Variants in EXOC6B observed in about 807,000 individuals in gnomAD.
EXOC6B encodes SEC15 homolog B.
EXOC6B carries 54 observed loss-of-function variants against 113.5 expected under a neutral mutation model. The observed-to-expected ratio is 0.48, with a 90% confidence interval of 0.38 to 0.60. The LOEUF (loss-of-function observed/expected upper bound fraction) is 0.60, where lower values mean the gene tolerates loss of function less well. Ranked by LOEUF, EXOC6B falls within the 20% of genes least tolerant of loss-of-function variation. EXOC6B has a pLI of 0.00. For missense variants in EXOC6B, 797 were observed against 977.5 expected (o/e 0.82, Z 2.46); for synonymous variants, 357 against 339.0 (o/e 1.05, Z -0.58).
chr2:72,337,215 A>G (rs1200955697), intron 19 of EXOC6B, among the ~76,000 whole-genome samples: 5 of 152,132 alleles, frequency 3.3e-5, no homozygotes, highest in Admixed American at 1.3e-4. Flanking sequence ...AGCCACAGCT[A>G]TTCTTTTTGA....
intron 1 of EXOC6B, among the ~76,000 whole-genome samples, chr2:72,780,639 A>C (rs1683975611): frequency 1.3e-5 from 2 of 152,208 alleles, no homozygotes; most frequent in African/African-American, 4.8e-5. Context: ...CAGGACATGG[A>C]GTAGAACCTA....
intron 1 of EXOC6B, among the ~76,000 whole-genome samples, chr2:72,804,877 G>A (rs1261949942): frequency 7.9e-5 from 12 of 152,000 alleles, no homozygotes; most frequent in Admixed American, 5.2e-4. Flanking sequence ...GATTACAGAC[G>A]TGAGCCACCA....
intron 18 of EXOC6B, among the ~76,000 whole-genome samples, chr2:72,446,990 G>C (rs1046827880): frequency 6.6e-6 from 1 of 151,858 alleles, no homozygotes; most frequent in African/African-American, 2.4e-5. Context: ...TGTAATCCCA[G>C]CTACTCAGGA....
intron 1 of EXOC6B, among the ~76,000 whole-genome samples, chr2:72,789,265 A>G (rs1684542000): frequency 6.6e-6 from 1 of 152,212 alleles, no homozygotes; most frequent in South Asian, 2.1e-4. Flanking sequence ...CCAGATTGCC[A>G]ATCATTATGA....
At chr2:72,540,885 TA>T (rs1702562023) in intron 8 of EXOC6B, among the ~76,000 whole-genome samples, 1 of 152,252 alleles carries the variant, frequency 6.6e-6, no homozygotes, top group African/African-American at 2.4e-5. Context: ...AAAAAGTTTG[TA>T]AATCCTAGGT....
chr2:72,572,391 G>A (rs953083684), intron 7 of EXOC6B, among the ~76,000 whole-genome samples: 4 of 152,118 alleles, frequency 2.6e-5, no homozygotes, highest in East Asian at 1.9e-4. Flanking sequence ...AACATTGTTG[G>A]ACAAAACAGT....
At chr2:72,646,043 TAGCA>T (rs1673682281) in intron 6 of EXOC6B, among the ~76,000 whole-genome samples, 1 of 151,900 alleles carries the variant, frequency 6.6e-6, no homozygotes, top group African/African-American at 2.4e-5. Context: ...GATAGACCAT[TAGCA>T]AGACAAATAA....
intron 1 of EXOC6B, among the ~76,000 whole-genome samples, chr2:72,822,290 TCA>T (rs927891121): frequency 2.0e-5 from 3 of 152,106 alleles, no homozygotes; most frequent in Non-Finnish European, 2.9e-5. Flanking sequence ...AAATTAGGAC[TCA>T]CAGATAACAA....
At chr2:72,294,870 T>C (rs549411998) in intron 20 of EXOC6B, among the ~76,000 whole-genome samples, 15 of 152,210 alleles carry the variant, frequency 9.9e-5, no homozygotes, top group Non-Finnish European at 2.1e-4. Flanking sequence ...TTGTTCCTTA[T>C]TTTTAAGTAT....
chr2:72,706,951 C>T (rs1222959781), intron 6 of EXOC6B, among the ~76,000 whole-genome samples: 12 of 152,146 alleles, frequency 7.9e-5, no homozygotes, highest in Non-Finnish European at 1.5e-5. Flanking sequence ...GAGGAAAAGT[C>T]ACATGTAAGC....
At chr2:72,588,531 A>G (rs1445837132) in intron 6 of EXOC6B, among the ~76,000 whole-genome samples, 7 of 152,002 alleles carry the variant, frequency 4.6e-5, no homozygotes, top group Admixed American at 2.6e-4. Context: ...GAGCAAGGGA[A>G]TATGGGGCGT....
intron 6 of EXOC6B, among the ~76,000 whole-genome samples, chr2:72,604,425 T>C (rs1190274320): frequency 6.6e-6 from 1 of 152,212 alleles, no homozygotes; most frequent in Non-Finnish European, 1.5e-5. Context: ...TAATAACGTT[T>C]GTGAGTGTTC....
chr2:72,284,130 C>T (rs143518962), intron 20 of EXOC6B, among the ~76,000 whole-genome samples: 243 of 152,140 alleles, frequency 1.6e-3, no homozygotes, highest in African/African-American at 4.9e-3. Flanking sequence ...ATTTGTTTTA[C>T]GAGGCCAGCA....
chr2:72,684,592 G>C (rs1489575075), intron 6 of EXOC6B, among the ~76,000 whole-genome samples: 1 of 152,130 alleles, frequency 6.6e-6, no homozygotes, highest in Non-Finnish European at 1.5e-5. Flanking sequence ...ATAGGACAAT[G>C]AATCAATTGT....
At chr2:72,575,290 A>G (rs1378265627) in intron 7 of EXOC6B, among the ~76,000 whole-genome samples, 2 of 152,168 alleles carry the variant, frequency 1.3e-5, no homozygotes, top group African/African-American at 4.8e-5. Flanking sequence ...TTAAAATTTG[A>G]ATTCTCAAAA....
intron 18 of EXOC6B, among the ~76,000 whole-genome samples, chr2:72,401,601 A>ATATATATATATATG (rs1558631082): frequency 3.6e-5 from 1 of 27,980 alleles, no homozygotes; most frequent in Non-Finnish European, 5.6e-5. Context: ...ATATATATAT[A>ATATATATATATATG]TGTGTATATA....
chr2:72,625,175 C>A (rs1481457588), intron 6 of EXOC6B, among the ~76,000 whole-genome samples: 1 of 151,522 alleles, frequency 6.6e-6, no homozygotes, highest in African/African-American at 2.4e-5. Context: ...ATCAGCCTCC[C>A]AAACTGCTGG....
intron 6 of EXOC6B, among the ~76,000 whole-genome samples, chr2:72,710,310 G>C (rs1354085262): frequency 1.3e-5 from 2 of 152,026 alleles, no homozygotes; most frequent in Non-Finnish European, 2.9e-5. Flanking sequence ...TCAGTAAAGA[G>C]ACACTGATCT....
At chr2:72,245,526 T>C (rs151114909) in intron 20 of EXOC6B, among the ~76,000 whole-genome samples, 12 of 152,286 alleles carry the variant, frequency 7.9e-5, no homozygotes, top group Non-Finnish European at 1.3e-4. Flanking sequence ...TGGAGCAACC[T>C]TGAAAGCATA....
Sources: allele counts gnomAD v4.1 joint callset (sites outside exome capture counted in the v4.1 genomes callset), GRCh38; gene constraint gnomAD v4.1.1; transcripts MANE v1.5; gene names NCBI Gene and HGNC (gene_info 2026-07-23, HGNC 2026-07-21).